SUMF2: variants seen among roughly 807,000 people sequenced by gnomAD.
The protein encoded by SUMF2 is sulfatase modifying factor 2.
A neutral mutation model predicts 44.8 loss-of-function variants in SUMF2; 45 were observed. The observed-to-expected ratio is 1.00, with a 90% CI of 0.79 to 1.29. SUMF2 has a LOEUF of 1.29. SUMF2 is among the 50% of genes most tolerant of loss of function. The pLI is 0.00. For missense variants in SUMF2, 418 were observed against 389.9 expected (o/e 1.07, Z -0.61); for synonymous variants, 148 against 150.4 (o/e 0.98, Z 0.12).
chr7:56,064,696 C>A (rs990048744), intron 1 of SUMF2, among the ~76,000 whole-genome samples: 4 of 144,850 alleles, frequency 2.8e-5, no homozygotes, highest in East Asian at 2.1e-4. Context: ...CAACGTGAAA[C>A]CCTGTCTCTA....
Position 56,074,214 on chromosome 7 carries a change from G to A in SUMF2, c.380G>A (p.Arg127Lys). ...CTTCCAGTGGAAAAGGCATTTTGGAGGCAGGTAAGGGCTGATTCCGCTACC... is the reference window on the plus strand; with the variant it reads ...CTTCCAGTGGAAAAGGCATTTTGGAAGCAGGTAAGGGCTGATTCCGCTACC... ...WWLPVEKAFW[R>K]QPAGPGSGIR... Residue 127 changes from arginine (R) to lysine (K), a missense_variant, in exon 4 of 9, where the codon AGG (arginine) becomes AAG (lysine). Physicochemically the swap from Arg to Lys is conservative, Grantham distance 26 (BLOSUM62 2). Coordinates refer to ENST00000434526, the MANE Select transcript of SUMF2 (RefSeq NM_015411.4). 1 of 1,613,802 alleles carries A rather than the reference G, an allele frequency of 6.2e-7. No individual in the cohort carries two copies. The highest frequency in any genetic ancestry group is 8.5e-7 in the Non-Finnish European group (1 of 1,179,938).
At chr7:56,081,240 C>G (rs773505491), downstream of SUMF2, 13 of 1,613,454 alleles carry the variant, frequency 8.1e-6, no homozygotes, top group Middle Eastern at 3.3e-4. This position sits in a 1 kb window ranked among gnomAD's most constrained non-coding sequence, Gnocchi z 4.6. Context: ...GGGTCACAGG[C>G]TTCACCCGGC....
chr7:56,081,563 G>A, downstream of SUMF2: 1 of 1,573,602 alleles, frequency 6.4e-7, no homozygotes, highest in South Asian at 1.1e-5. The surrounding 1 kb of genome is among the most constrained non-coding windows in gnomAD (Gnocchi z 4.6). Flanking sequence ...AAGGACTCCT[G>A]GGAGAGGAGG....
chr7:56,065,231 C>G (rs1794703734), intron 1 of SUMF2, among the ~76,000 whole-genome samples: 1 of 148,816 alleles, frequency 6.7e-6, no homozygotes, highest in African/African-American at 2.5e-5. Flanking sequence ...GAGAATATAA[C>G]GAGGAACGAC....
downstream of SUMF2, chr7:56,081,227 C>T (rs141468325): frequency 3.1e-4 from 507 of 1,613,732 alleles, 1 homozygote; most frequent in Non-Finnish European, 3.7e-4. The surrounding 1 kb of genome is among the most constrained non-coding windows in gnomAD (Gnocchi z 4.6). Context: ...ATGACGATCT[C>T]CCGGGTCACA....
At chr7:56,081,886 C>A (rs1796015741), downstream of SUMF2, 7 of 1,613,220 alleles carry the variant, frequency 4.3e-6, no homozygotes, top group Non-Finnish European at 5.9e-6. The surrounding 1 kb of genome is among the most constrained non-coding windows in gnomAD (Gnocchi z 4.6). Flanking sequence ...TTGGCCTGGC[C>A]TCTCACCAGG....
chr7:56,074,860 G>A (rs1375765567), intron 5 of SUMF2, 124 bp downstream of exon 5: 2 of 1,243,740 alleles, frequency 1.6e-6, no homozygotes, highest in East Asian at 2.4e-5. Flanking sequence ...CACTTTGGGA[G>A]GCTGGGGCAG....
Position 56,079,596 on chromosome 7 carries a change from C to T in SUMF2, c.890C>T (p.Pro297Leu), listed in dbSNP as rs767327111. 103 of 1,614,048 alleles carry T rather than the reference C, an allele frequency of 6.4e-5. 1 individual carries two copies. In the East Asian group the frequency reaches 1.5e-3, roughly 23 times the overall value. Residue 297 changes from proline to leucine, a missense_variant, in exon 9 of 9, where the codon CCG (proline) becomes CTG (leucine). Physicochemically the swap from Pro to Leu is moderately conservative, Grantham distance 98. Coordinates refer to ENST00000434526, the MANE Select transcript of SUMF2 (RefSeq NM_015411.4). ...GFRCAADAGR[P>L]PGEL is the part of the protein sequence containing the mutation. The stretch of plus-strand genomic sequence containing the variant: ...CGCTGTGCTGCAGACGCAGGCCGGC[C>T]GCCAGGGGAGCTGTAAGCAGCCGGG...
At chr7:56,083,685 G>A (rs369456499), downstream of SUMF2, 3 of 1,585,490 alleles carry the variant, frequency 1.9e-6, no homozygotes, top group Non-Finnish European at 1.7e-6. Flanking sequence ...CCTTCTCAGT[G>A]AGGTAGTCAA....
At chr7:56,083,586 C>T, downstream of SUMF2, 1 of 1,503,714 alleles carries the variant, frequency 6.7e-7, no homozygotes, top group South Asian at 1.2e-5. Context: ...TCCCCTGAGA[C>T]CCCAGTGCCT....
chr7:56,082,026 A>C (rs759785327), downstream of SUMF2: 1 of 1,613,654 alleles, frequency 6.2e-7, no homozygotes. Flanking sequence ...CAGCGTGTAC[A>C]TGATGACGCC....
At chr7:56,081,959 G>C, downstream of SUMF2, 2 of 1,613,916 alleles carry the variant, frequency 1.2e-6, no homozygotes, top group Non-Finnish European at 1.7e-6. The surrounding 1 kb of genome is among the most constrained non-coding windows in gnomAD (Gnocchi z 4.6). Context: ...TGCCGCTCAT[G>C]ATCATCCTCA....
rs547471211 is a variant in SUMF2, at chr7:56,070,965, G to A, written c.225-2032G>A. Among the ~76,000 whole-genome samples, 4 of 152,284 alleles carry A rather than the reference G, an allele frequency of 2.6e-5. No individual in the cohort carries two copies. The South Asian group carries it at 6.2e-4, about 24-fold the overall frequency. ...GTTCTGGGAAAGGCAAAACTATAGG[G>A]ACAAAAAAACCTGGTCCGTGGTTGG... On this transcript the variant is annotated intron_variant, in intron 2 of 8. Transcript: ENST00000434526.
the SUMF2 span, chr7:56,087,834 G>A: frequency 7.2e-7 from 1 of 1,383,826 alleles, no homozygotes; most frequent in Non-Finnish European, 1.0e-6. Flanking sequence ...GGGGGTCCCA[G>A]ATTAGAGGCT....
downstream of SUMF2, chr7:56,083,695 A>G (rs139633155): frequency 1.9e-6 from 3 of 1,582,872 alleles, no homozygotes; most frequent in African/African-American, 1.3e-5. Context: ...GAGGTAGTCA[A>G]AGAGCTCCCC....
Position 56,076,823 on chromosome 7 carries a change from T to A in SUMF2, c.536-11T>A. On this transcript the variant is annotated splice_polypyrimidine_tract_variant and intron_variant, in intron 5 of 8. Transcript: ENST00000434526. ...TCCCCCTCCTCTGCTGCCTCCTTGCTCTCCTCGCAGGTCAAGTTTACCCAT... is the reference window on the plus strand; with the variant it reads ...TCCCCCTCCTCTGCTGCCTCCTTGCACTCCTCGCAGGTCAAGTTTACCCAT... 6.3e-7 allele frequency: 1 copy of A among 1,591,426 alleles called. No individual in the cohort carries two copies. Among genetic ancestry groups the A allele is most frequent in the Non-Finnish European group, 8.6e-7 (1 of 1,167,610 alleles).
intron 6 of SUMF2, 48 bp downstream of exon 6, chr7:56,076,937 G>A (rs1225595482): frequency 6.4e-7 from 1 of 1,569,056 alleles, no homozygotes; most frequent in East Asian, 2.3e-5. Context: ...GAGACCTGCT[G>A]GAGGCTGGGC....
At chr7:56,070,783 A>G (rs765348270) in intron 2 of SUMF2, among the ~76,000 whole-genome samples, 38 of 152,318 alleles carry the variant, frequency 2.5e-4, no homozygotes, top group Non-Finnish European at 4.4e-4. Context: ...TATGAACAAA[A>G]TATGGTATGT....
chr7:56,065,438 AATAT>A (rs1794719733), intron 1 of SUMF2, among the ~76,000 whole-genome samples: 1 of 152,168 alleles, frequency 6.6e-6, no homozygotes. Context: ...GCTTCTTAAT[AATAT>A]ATTCAGTCTG....
Sources: allele counts gnomAD v4.1 joint callset (sites outside exome capture counted in the v4.1 genomes callset), GRCh38; gene constraint gnomAD v4.1.1; non-coding constraint Gnocchi (gnomAD v3.1); transcripts MANE v1.5; gene names NCBI Gene and HGNC (gene_info 2026-07-23, HGNC 2026-07-21).